OLAH: variants seen among roughly 807,000 people sequenced by gnomAD.
The protein encoded by OLAH is S-acyl fatty acid synthase thioesterase, medium chain.
OLAH carries 33 observed loss-of-function variants against 27.8 expected under a neutral mutation model. The observed-to-expected ratio is 1.19, with a 90% CI of 0.90 to 1.59. OLAH has a LOEUF of 1.59. OLAH is among the 40% of genes most tolerant of loss of function. OLAH has a pLI of 0.00. For synonymous variants in OLAH, 120 were observed against 102.9 expected (o/e 1.17, Z -1.01); for missense variants, 359 against 310.8 (o/e 1.16, Z -1.17).
chr10:15,052,536 G>T (rs764023189), intron 3 of OLAH, among the ~76,000 whole-genome samples: 17 of 152,142 alleles, frequency 1.1e-4, no homozygotes, highest in Non-Finnish European at 2.2e-4. Context: ...GCCTCCCAAA[G>T]TGCTGGGATT....
At chr10:15,047,458 C>A in intron 2 of OLAH, 138 bp downstream of exon 2, 1 of 840,096 alleles carries the variant, frequency 1.2e-6, no homozygotes, top group Non-Finnish European at 2.0e-6. Flanking sequence ...ACTTTGGGAG[C>A]CTGAGGCAGG....
At chr10:15,064,076 C>T (rs1241880758) in intron 4 of OLAH, among the ~76,000 whole-genome samples, 1 of 152,098 alleles carries the variant, frequency 6.6e-6, no homozygotes, top group African/African-American at 2.4e-5. Flanking sequence ...TCCAGGGGTC[C>T]CTAAACCGTA....
intron 1 of OLAH, among the ~76,000 whole-genome samples, chr10:15,036,282 G>C (rs549839311): frequency 6.6e-6 from 1 of 152,286 alleles, no homozygotes; most frequent in East Asian, 1.9e-4. Flanking sequence ...TGGATCGCTT[G>C]AGGTCAGGAG....
At chr10:15,053,987 C>T (rs1844196166) in intron 3 of OLAH, among the ~76,000 whole-genome samples, 1 of 151,854 alleles carries the variant, frequency 6.6e-6, no homozygotes, top group Non-Finnish European at 1.5e-5. Flanking sequence ...GCCTCAACCT[C>T]CCAAAGTGCT....
At chr10:15,039,835 T>A (rs911131425), upstream of OLAH, among the ~76,000 whole-genome samples, 4 of 152,168 alleles carry the variant, frequency 2.6e-5, no homozygotes, top group African/African-American at 9.7e-5. Context: ...GGGCATCACT[T>A]ACGATGATTT....
chr10:15,054,287 C>T (rs1157857262), intron 3 of OLAH, among the ~76,000 whole-genome samples: 8 of 152,120 alleles, frequency 5.3e-5, no homozygotes, highest in Admixed American at 1.3e-4. Flanking sequence ...GTGATCCACC[C>T]GCCTTGGCCT....
At chr10:15,035,221 G>C (rs1843823756) in intron 1 of OLAH, among the ~76,000 whole-genome samples, 1 of 152,212 alleles carries the variant, frequency 6.6e-6, no homozygotes, top group African/African-American at 2.4e-5. Context: ...ACGGACCAGA[G>C]AAAGCCCGGT....
At chr10:15,061,115 T>A (rs1844353724) in intron 3 of OLAH, among the ~76,000 whole-genome samples, 1 of 152,102 alleles carries the variant, frequency 6.6e-6, no homozygotes, top group Non-Finnish European at 1.5e-5. Context: ...TCTACCAAGA[T>A]AACATAAATA....
At position 15,061,817 on chromosome 10, in the gene OLAH, T is replaced by C. The variant is rs746450731; in HGVS notation, c.257T>C (p.Leu86Pro). ...TTAGTTGATGAAGTTGTTTGTGCTC[T>C]GCAGCCAGTCATCCAGGATAAACCA... ...SQLVDEVVCA[L>P]QPVIQDKPFA... The change falls in exon 4 of 8, where the codon CTG becomes CCG. Residue 86 changes from leucine (L) to proline (P), a missense_variant. Transcript: ENST00000378228. 1 of 1,614,076 alleles carries C rather than the reference T, an allele frequency of 6.2e-7. No individual in the cohort carries two copies. The highest frequency in any genetic ancestry group is 8.5e-7 in the Non-Finnish European group (1 of 1,179,976).
In OLAH at chr10:15,049,725, T is replaced by C. The variant is rs755059554; in HGVS notation, c.123T>C (p.His41=). 8.1e-6 allele frequency: 13 copies of C among 1,609,900 alleles called. No homozygotes were observed. Among genetic ancestry groups the C allele is most frequent in the Non-Finnish European group, 1.1e-5 (13 of 1,179,082 alleles). The change falls in exon 3 of 8, where the codon CAT becomes CAC. Residue 41 remains histidine, a synonymous_variant. Coordinates refer to ENST00000378228, the MANE Select transcript of OLAH (RefSeq NM_001039702.3). ...CCTGGATGGGAGGTGGCTCCACTCA[T>C]TTTGCCAAATGGGGCCAAGATACTC... ...CFPWMGGGST[H]FAKWGQDTHD...
Position 15,065,694 on chromosome 10 carries a change from A to C in OLAH, c.513A>C (p.Glu171Asp), listed in dbSNP as rs138794004. The C allele has an allele frequency of 2.0e-5, 32 of 1,614,062 alleles. No individual in the cohort carries two copies. Among genetic ancestry groups the C allele is most frequent in the Non-Finnish European group, 2.6e-5 (31 of 1,180,016 alleles). The change falls in exon 6 of 8, where the codon GAA (glutamate) becomes GAC (aspartate). Residue 171 changes from glutamate (E) to aspartate (D), a missense_variant. Glu to Asp is a conservative substitution (Grantham distance 45). Coordinates refer to ENST00000378228, the MANE Select transcript of OLAH (RefSeq NM_001039702.3). ...CCAAGCATTTTGCTGAAGCCAAGGAATTTGTGAAACAATGTAGTCCCATCA... is the reference window on the plus strand; with the variant it reads ...CCAAGCATTTTGCTGAAGCCAAGGACTTTGTGAAACAATGTAGTCCCATCA... ...GTPKHFAEAK[E>D]FVKQCSPIIR... is the part of the protein sequence containing the mutation.
intron 1 of OLAH, among the ~76,000 whole-genome samples, chr10:15,033,870 A>G (rs1283645127): frequency 6.6e-6 from 1 of 152,166 alleles, no homozygotes; most frequent in Non-Finnish European, 1.5e-5. Context: ...CAAGGGTCCT[A>G]TCTCTTAATA....
At chr10:15,054,620 T>G (rs1844211376) in intron 3 of OLAH, among the ~76,000 whole-genome samples, 1 of 152,126 alleles carries the variant, frequency 6.6e-6, no homozygotes, top group South Asian at 2.1e-4. Context: ...TACTTTGTTT[T>G]GTAATGTTTT....
At chr10:15,040,140 C>G (rs1192734546), upstream of OLAH, among the ~76,000 whole-genome samples, 2 of 152,272 alleles carry the variant, frequency 1.3e-5, no homozygotes, top group Non-Finnish European at 2.9e-5. Context: ...GCCTCTTTTT[C>G]CCCAGAAAGT....
intron 2 of OLAH, 52 bp downstream of exon 2, chr10:15,047,372 T>C (rs760390026): frequency 1.5e-5 from 24 of 1,564,134 alleles, no homozygotes; most frequent in Non-Finnish European, 2.0e-5. Flanking sequence ...GGGGCTCCGA[T>C]ACCCTGCCTT....
At position 15,061,826 on chromosome 10, in the gene OLAH, T is replaced by A; in HGVS notation, c.266T>A (p.Val89Asp). 5 of 1,613,906 alleles carry A rather than the reference T, an allele frequency of 3.1e-6. No individual in the cohort carries two copies. In the African/African-American group the frequency reaches 4.0e-5, roughly 13 times the overall value. Residue 89 changes from valine to aspartate, a missense_variant, in exon 4 of 8, where the codon GTC becomes GAC. Coordinates refer to ENST00000378228, the MANE Select transcript of OLAH (RefSeq NM_001039702.3). ...GAAGTTGTTTGTGCTCTGCAGCCAG[T>A]CATCCAGGATAAACCATTTGCATTT... ...VDEVVCALQP[V>D]IQDKPFAFFG...
chr10:15,058,651 T>A (rs1436768531), intron 3 of OLAH, among the ~76,000 whole-genome samples: 3 of 152,164 alleles, frequency 2.0e-5, no homozygotes, highest in Non-Finnish European at 4.4e-5. Context: ...TAAAAAATAA[T>A]CTTTTATATA....
chr10:15,037,940 G>A (rs1843866787), intron 1 of OLAH, among the ~76,000 whole-genome samples: 2 of 152,226 alleles, frequency 1.3e-5, no homozygotes, highest in Non-Finnish European at 2.9e-5. Context: ...GGATGAACCA[G>A]GAAAAACCCT....
chr10:15,061,999 C>G lies in OLAH; in HGVS notation c.302+137C>G, dbSNP rs367782468. 4.5e-5 allele frequency: 34 copies of G among 759,518 alleles called. No individual in the cohort carries two copies. The African/African-American group carries it at 6.0e-4, about 13-fold the overall frequency. The allele number at this position is 759,518 out of a possible 1,614,324, so 47.0% of individuals were successfully genotyped here. ...GCATGTTAGGTAATTATGGCCATCA[C>G]AACTTTTACAATTCACCAGTTTGTA... On this transcript the variant is annotated intron_variant, in intron 4 of 7. Coordinates refer to ENST00000378228, the MANE Select transcript of OLAH (RefSeq NM_001039702.3).
Sources: gnomAD v4.1 joint callset for allele counts (sites outside exome capture counted in the v4.1 genomes callset) on GRCh38, gnomAD v4.1.1 for gene constraint, MANE v1.5 for transcripts, NCBI Gene and HGNC (gene_info 2026-07-23, HGNC 2026-07-21) for gene names.